Variants in TAF4B observed in about 807,000 individuals in gnomAD.
TAF4B encodes the protein TATA-box binding protein associated factor 4b.
Under a neutral mutation model 86.4 loss-of-function variants are expected in TAF4B, and 38 were observed. The observed-to-expected ratio is 0.44, with a 90% CI of 0.34 to 0.58. The LOEUF is 0.58. TAF4B is among the 20% of genes least tolerant of loss of function. TAF4B has a pLI of 0.02. For missense variants in TAF4B, 988 were observed against 1,027.6 expected (o/e 0.96, Z 0.53); for synonymous variants, 388 against 391.2 (o/e 0.99, Z 0.10).
At chr18:26,384,624 G>T (rs1248112972) in intron 14 of TAF4B, among the ~76,000 whole-genome samples, 2 of 152,162 alleles carry the variant, frequency 1.3e-5, no homozygotes, top group East Asian at 3.8e-4. Flanking sequence ...ACCTAGGTAG[G>T]AAAAGTTTAA....
intron 1 of TAF4B, among the ~76,000 whole-genome samples, chr18:26,263,630 T>C (rs1048756212): frequency 6.6e-6 from 1 of 152,240 alleles, no homozygotes; most frequent in East Asian, 1.9e-4. Flanking sequence ...ACTTTTAATG[T>C]AGTTGAGTTT....
chr18:26,272,485 C>G (rs1265656975), intron 3 of TAF4B, among the ~76,000 whole-genome samples: 3 of 151,792 alleles, frequency 2.0e-5, no homozygotes, highest in Non-Finnish European at 4.4e-5. Context: ...TTTTTTTTTA[C>G]TGGAGACAGG....
At chr18:26,227,509 G>C (rs1364801860) in intron 1 of TAF4B, among the ~76,000 whole-genome samples, 4 of 152,202 alleles carry the variant, frequency 2.6e-5, no homozygotes, top group Non-Finnish European at 5.9e-5. Context: ...GCGTATTCGG[G>C]GGGGCTTTCA....
intron 9 of TAF4B, among the ~76,000 whole-genome samples, chr18:26,312,459 G>C (rs1320490314): frequency 6.6e-6 from 1 of 152,172 alleles, no homozygotes; most frequent in Non-Finnish European, 1.5e-5. Context: ...CTTGGGGCTA[G>C]ATAGAAGGAA....
intron 9 of TAF4B, among the ~76,000 whole-genome samples, chr18:26,302,842 G>A (rs1050393709): frequency 2.4e-4 from 37 of 151,574 alleles, no homozygotes; most frequent in African/African-American, 9.0e-4. Flanking sequence ...ATATATATAT[G>A]GATCTTCTCT....
Position 26,390,309 on chromosome 18 carries a change from C to T in TAF4B, c.*297C>T, listed in dbSNP as rs1266521452. ...AGGCCCTATTTGTTACTACCTGCCTCATTTGCCAAATTGTAGCAGGTGAGG... is the reference window on the plus strand; with the variant it reads ...AGGCCCTATTTGTTACTACCTGCCTTATTTGCCAAATTGTAGCAGGTGAGG... On this transcript the variant is annotated 3_prime_UTR_variant, in exon 15 of 15. Coordinates refer to ENST00000269142, the MANE Select transcript of TAF4B (RefSeq NM_005640.3). The T allele has an allele frequency of 2.8e-5, 7 of 251,954 alleles. No individual in the cohort carries two copies. Among genetic ancestry groups the T allele is most frequent in the Non-Finnish European group, 4.5e-5 (6 of 133,746 alleles). 15.6% of individuals were successfully genotyped at this position (251,954 alleles called of 1,614,324 possible).
At chr18:26,279,545 C>CAAAAAAAAAAAAAAA (rs375937630) in intron 5 of TAF4B, among the ~76,000 whole-genome samples, 3 of 113,538 alleles carry the variant, frequency 2.6e-5, no homozygotes, top group African/African-American at 2.9e-5. Context: ...CAATTAGAAG[C>CAAAAAAAAAAAAAAA]AAAAAAAAAA....
chr18:26,249,280 ACCAGCCAGG>A (rs1312374586), intron 1 of TAF4B, among the ~76,000 whole-genome samples: 3 of 152,198 alleles, frequency 2.0e-5, no homozygotes, highest in Non-Finnish European at 4.4e-5. Context: ...GGAGTTCGAG[ACCAGCCAGG>A]CCAACATGGC....
intron 9 of TAF4B, among the ~76,000 whole-genome samples, chr18:26,312,195 G>C (rs540811550): frequency 3.9e-4 from 60 of 152,312 alleles, no homozygotes; most frequent in African/African-American, 1.3e-3. Context: ...CTTACTTCTT[G>C]AAAATTAAAA....
intron 13 of TAF4B, among the ~76,000 whole-genome samples, chr18:26,337,881 A>G (rs1042409365): frequency 6.6e-6 from 1 of 152,198 alleles, no homozygotes; most frequent in Non-Finnish European, 1.5e-5. Context: ...TTGTTCACTC[A>G]TGAATTTTTT....
intron 14 of TAF4B, among the ~76,000 whole-genome samples, chr18:26,382,523 G>A (rs948397386): frequency 2.0e-5 from 3 of 152,066 alleles, no homozygotes; most frequent in Non-Finnish European, 4.4e-5. Flanking sequence ...ATGAGTAGGT[G>A]AGGTAAGATG....
At chr18:26,388,909 G>A (rs1978537196) in intron 14 of TAF4B, among the ~76,000 whole-genome samples, 1 of 152,102 alleles carries the variant, frequency 6.6e-6, no homozygotes, top group Non-Finnish European at 1.5e-5. Flanking sequence ...TCCGCCTCCT[G>A]GGTTCAATTC....
At chr18:26,321,604 T>G (rs1478867416) in intron 11 of TAF4B, among the ~76,000 whole-genome samples, 1 of 151,714 alleles carries the variant, frequency 6.6e-6, no homozygotes, top group Non-Finnish European at 1.5e-5. Flanking sequence ...AAAATAAATT[T>G]TATTGTATAT....
intron 3 of TAF4B, among the ~76,000 whole-genome samples, chr18:26,269,013 G>A (rs547507555): frequency 2.4e-4 from 36 of 152,080 alleles, no homozygotes; most frequent in African/African-American, 8.7e-4. Context: ...TAGTAGGGAT[G>A]GGGTTTCACC....
intron 1 of TAF4B, among the ~76,000 whole-genome samples, chr18:26,234,832 AAGC>A (rs1397626110): frequency 7.2e-5 from 11 of 152,212 alleles, no homozygotes; most frequent in Admixed American, 7.2e-4. Context: ...CCTGGTATCT[AAGC>A]AGGCAGTTGT....
chr18:26,255,395 G>C (rs2144509807), intron 1 of TAF4B, among the ~76,000 whole-genome samples: 1 of 151,944 alleles, frequency 6.6e-6, no homozygotes, highest in African/African-American at 2.4e-5. Flanking sequence ...AAATAGGAGG[G>C]TCATTTGAGA....
At chr18:26,231,110 G>A in intron 1 of TAF4B, among the ~76,000 whole-genome samples, 1 of 134,668 alleles carries the variant, frequency 7.4e-6, no homozygotes, top group Non-Finnish European at 1.5e-5. Context: ...TGCAATCTTG[G>A]CTCACCACAA....
chr18:26,231,034 C>CTTTTTTGTTTTTTTT (rs2055658111), intron 1 of TAF4B, among the ~76,000 whole-genome samples: 1 of 66,164 alleles, frequency 1.5e-5, no homozygotes, highest in Non-Finnish European at 2.8e-5. Flanking sequence ...TGTTGTTTTG[C>CTTTTTTGTTTTTTTT]TTTTTTTTTT....
chr18:26,372,511 T>G (rs964465886), intron 14 of TAF4B, among the ~76,000 whole-genome samples: 4 of 152,230 alleles, frequency 2.6e-5, no homozygotes, highest in African/African-American at 9.6e-5. Flanking sequence ...ATCAGTTTAC[T>G]TTTGACTGGC....
Sources: gnomAD v4.1 joint callset for allele counts (sites outside exome capture counted in the v4.1 genomes callset) on GRCh38, gnomAD v4.1.1 for gene constraint, MANE v1.5 for transcripts, NCBI Gene and HGNC (gene_info 2026-07-23, HGNC 2026-07-21) for gene names.